Variants in SH3PXD2A observed in about 807,000 individuals in gnomAD.
SH3PXD2A encodes the protein SH3 and PX domains 2A, also known as SH3 and PX domain-containing protein 2A.
In SH3PXD2A, 32 loss-of-function variants were observed where a neutral mutation model predicts 115.2. The observed-to-expected ratio is 0.28, with a 90% CI of 0.21 to 0.37. The LOEUF is 0.37. Among genes scored for constraint, SH3PXD2A ranks in the 10% least tolerant of loss-of-function variants. The pLI is 1.00. For synonymous variants in SH3PXD2A, 610 were observed against 629.1 expected (o/e 0.97, Z 0.45); for missense variants, 1,328 against 1,498.7 (o/e 0.89, Z 1.88).
intron 1 of SH3PXD2A, among the ~76,000 whole-genome samples, chr10:103,810,532 C>A (rs1349460823): frequency 6.6e-6 from 1 of 152,152 alleles, no homozygotes; most frequent in Non-Finnish European, 1.5e-5. Context: ...GAATTTCAAT[C>A]CATACATGTC....
chr10:103,704,929 T>C (rs1186816687), intron 5 of SH3PXD2A, among the ~76,000 whole-genome samples: 3 of 152,134 alleles, frequency 2.0e-5, no homozygotes, highest in African/African-American at 4.8e-5. Context: ...GTTTCCCTGA[T>C]TGGGCTTTTG....
At chr10:103,793,827 T>G (rs1298075384) in intron 2 of SH3PXD2A, among the ~76,000 whole-genome samples, 1 of 152,208 alleles carries the variant, frequency 6.6e-6, no homozygotes, top group Admixed American at 6.5e-5. Flanking sequence ...GGAAGAGACA[T>G]TTCCTCCTCT....
intron 8 of SH3PXD2A, among the ~76,000 whole-genome samples, chr10:103,652,106 G>A (rs544403175): frequency 6.6e-6 from 1 of 152,380 alleles, no homozygotes; most frequent in African/African-American, 2.4e-5. Context: ...TAAAAACTCA[G>A]GGGAGGCAAA....
At chr10:103,761,853 T>C (rs1489704342) in intron 3 of SH3PXD2A, among the ~76,000 whole-genome samples, 2 of 152,004 alleles carry the variant, frequency 1.3e-5, no homozygotes, top group African/African-American at 4.8e-5. Flanking sequence ...TACGGCCCCA[T>C]AGGAAGAATC....
intron 5 of SH3PXD2A, among the ~76,000 whole-genome samples, chr10:103,696,247 C>G (rs1202721613): frequency 2.0e-5 from 3 of 152,222 alleles, no homozygotes; most frequent in Non-Finnish European, 4.4e-5. Flanking sequence ...AGGAGACCTT[C>G]TGGAAGTTTC....
chr10:103,693,784 G>C (rs1006236894), intron 5 of SH3PXD2A, among the ~76,000 whole-genome samples: 2 of 152,132 alleles, frequency 1.3e-5, no homozygotes, highest in African/African-American at 2.4e-5. Flanking sequence ...GCGGGTAGTG[G>C]GGGGGACAGA....
chr10:103,758,649 A>G (rs928482719), intron 3 of SH3PXD2A, among the ~76,000 whole-genome samples: 1 of 152,266 alleles, frequency 6.6e-6, no homozygotes, highest in African/African-American at 2.4e-5. Flanking sequence ...AGCTGCTGAC[A>G]GCAGGCCCTG....
At chr10:103,639,359 C>T (rs1478056943) in intron 8 of SH3PXD2A, among the ~76,000 whole-genome samples, 1 of 152,106 alleles carries the variant, frequency 6.6e-6, no homozygotes, top group African/African-American at 2.4e-5. Flanking sequence ...TGCCTGTAAT[C>T]CTGGCACTTT....
At chr10:103,700,430 G>A (rs911354828) in intron 5 of SH3PXD2A, among the ~76,000 whole-genome samples, 5 of 152,184 alleles carry the variant, frequency 3.3e-5, no homozygotes, top group Admixed American at 6.5e-5. Flanking sequence ...GATGGTGGCC[G>A]CAATGCAGGA....
intron 3 of SH3PXD2A, among the ~76,000 whole-genome samples, chr10:103,751,940 T>A (rs1411143148): frequency 2.0e-5 from 3 of 152,208 alleles, no homozygotes; most frequent in African/African-American, 7.2e-5. Context: ...TCCTGATATT[T>A]TGGGGCACTG....
chr10:103,654,075 GA>G (rs1024338246), intron 8 of SH3PXD2A, among the ~76,000 whole-genome samples: 17 of 151,894 alleles, frequency 1.1e-4, no homozygotes, highest in African/African-American at 3.9e-4. Flanking sequence ...AAGCCTTCTC[GA>G]CTATGCTTGT....
At chr10:103,749,912 G>T (rs986445719) in intron 3 of SH3PXD2A, 1 of 152,292 alleles carries the variant, frequency 6.6e-6, no homozygotes, top group Non-Finnish European at 1.5e-5. Context: ...TGAGCAAGCC[G>T]TCTTGCAGGT....
chr10:103,767,633 G>A (rs950145731), intron 2 of SH3PXD2A, among the ~76,000 whole-genome samples: 4 of 151,354 alleles, frequency 2.6e-5, no homozygotes, highest in East Asian at 1.9e-4. Flanking sequence ...TTCCAGAACC[G>A]TGCTGTGGAA....
At chr10:103,645,096 C>T (rs1412999382) in intron 8 of SH3PXD2A, among the ~76,000 whole-genome samples, 1 of 152,218 alleles carries the variant, frequency 6.6e-6, no homozygotes, top group African/African-American at 2.4e-5. Flanking sequence ...TTCTGCTCTC[C>T]TAACTCAAGG....
chr10:103,649,869 A>G (rs1042590759), intron 8 of SH3PXD2A, among the ~76,000 whole-genome samples: 4 of 152,270 alleles, frequency 2.6e-5, no homozygotes, highest in Non-Finnish European at 5.9e-5. Flanking sequence ...GAGGAACACA[A>G]GGGGCTGAGG....
At chr10:103,831,928 C>T (rs1453232506) in intron 1 of SH3PXD2A, among the ~76,000 whole-genome samples, 1 of 152,164 alleles carries the variant, frequency 6.6e-6, no homozygotes. Flanking sequence ...CCTTTTGTGT[C>T]TGACTTCTTT....
rs937665753 is a variant in SH3PXD2A, at chr10:103,600,034, T to G, written c.*1782A>C. On this transcript the variant is annotated 3_prime_UTR_variant, in exon 15 of 15. Transcript: ENST00000369774. ...GGGTGGGGGTGGGTTTTGAAGGCAC[T>G]GAGACACTGGGTCCCATGCTGCCCT... is the stretch of plus-strand genomic sequence containing the variant. 6.6e-5 allele frequency: 10 copies of G among 152,440 alleles called. No individual in the cohort carries two copies. The highest frequency in any genetic ancestry group is 2.4e-4 in the African/African-American group (10 of 41,378). 9.4% of individuals were successfully genotyped at this position (152,440 alleles called of 1,614,324 possible).
intron 2 of SH3PXD2A, among the ~76,000 whole-genome samples, chr10:103,776,933 A>C (rs2038886316): frequency 6.6e-6 from 1 of 152,242 alleles, no homozygotes; most frequent in Admixed American, 6.5e-5. Context: ...TTCAACCCAT[A>C]CCATTAACAC....
At chr10:103,805,681 G>A (rs1213253389) in intron 1 of SH3PXD2A, among the ~76,000 whole-genome samples, 2 of 151,526 alleles carry the variant, frequency 1.3e-5, no homozygotes, top group African/African-American at 2.4e-5. Flanking sequence ...ACTTGAGCCC[G>A]GGAGTTTGAG....
Sources: gnomAD v4.1 joint callset for allele counts (sites outside exome capture counted in the v4.1 genomes callset) on GRCh38, gnomAD v4.1.1 for gene constraint, MANE v1.5 for transcripts, NCBI Gene and HGNC (gene_info 2026-07-23, HGNC 2026-07-21) for gene names.